Variants in NOL4L observed in about 807,000 individuals in gnomAD.
NOL4L encodes nucleolar protein 4 like.
NOL4L carries 7 observed loss-of-function variants against 64.5 expected under a neutral mutation model. The observed-to-expected ratio is 0.11, with a 90% CI of 0.06 to 0.20. NOL4L has a LOEUF of 0.20. Among genes scored for constraint, NOL4L ranks in the 10% least tolerant of loss-of-function variants. The pLI is 1.00. For synonymous variants in NOL4L, 413 were observed against 401.0 expected (o/e 1.03, Z -0.36); for missense variants, 680 against 967.1 (o/e 0.70, Z 3.94).
intron 4 of NOL4L, among the ~76,000 whole-genome samples, chr20:32,485,057 CCAAA>C (rs1568642968): frequency 1.6e-4 from 3 of 18,454 alleles, no homozygotes; most frequent in African/African-American, 1.2e-3. Flanking sequence ...GGGGAAATTG[CCAAA>C]AAAAAAAAAA....
At chr20:32,482,597 G>T (rs2015802006) in intron 4 of NOL4L, among the ~76,000 whole-genome samples, 1 of 151,976 alleles carries the variant, frequency 6.6e-6, no homozygotes, top group African/African-American at 2.4e-5. Flanking sequence ...CCTCGAGGCG[G>T]CCGGCTGCCC....
chr20:32,451,979 C>A (rs959949705), intron 10 of NOL4L, among the ~76,000 whole-genome samples: 2 of 152,208 alleles, frequency 1.3e-5, no homozygotes, highest in African/African-American at 4.8e-5. Context: ...TTGGAGCAAG[C>A]GTCACTGGCG....
intron 1 of NOL4L, among the ~76,000 whole-genome samples, chr20:32,554,377 A>G (rs1978517423): frequency 6.6e-6 from 1 of 151,882 alleles, no homozygotes; most frequent in African/African-American, 2.4e-5. Context: ...ATGAACAAAC[A>G]GGCTCAGAGG....
In NOL4L at chr20:32,584,960, G is replaced by C; in HGVS notation, c.-70C>G. ...GCCGCCCGGTGCCGGGACTGGGCTG[G>C]GCTGGGCTGGACCGGGCCGGGACGC... On this transcript the variant is annotated 5_prime_UTR_variant, in exon 1 of 11. Coordinates refer to ENST00000621426, the MANE Select transcript of NOL4L (RefSeq NM_001256798.2). 1.1e-6 allele frequency: 1 copy of C among 913,744 alleles called. No individual in the cohort carries two copies. Among genetic ancestry groups the C allele is most frequent in the Non-Finnish European group, 1.3e-6 (1 of 754,866 alleles). The allele number at this position is 913,744 out of a possible 1,614,324, so 56.6% of individuals were successfully genotyped here. A position where few individuals can be genotyped will look rare whatever the true frequency, so the allele number is the denominator to read the frequency against.
intron 1 of NOL4L, among the ~76,000 whole-genome samples, chr20:32,542,932 C>T (rs1308645213): frequency 3.9e-5 from 6 of 152,158 alleles, no homozygotes; most frequent in African/African-American, 1.4e-4. Context: ...GAACCGACCT[C>T]ACGGGGTTGT....
At chr20:32,466,938 TGGGAGA>T (rs774533760) in intron 5 of NOL4L, among the ~76,000 whole-genome samples, 4 of 151,912 alleles carry the variant, frequency 2.6e-5, no homozygotes, top group Admixed American at 1.3e-4. Context: ...TGCCTCCTGG[TGGGAGA>T]GGGCTGCTGT....
At chr20:32,584,317 G>T (rs1980744958) in intron 1 of NOL4L, among the ~76,000 whole-genome samples, 1 of 151,204 alleles carries the variant, frequency 6.6e-6, no homozygotes, top group African/African-American at 2.4e-5. Context: ...AGCAGCCCGG[G>T]ACAGCCTGCC....
At chr20:32,451,101 G>A (rs541064634) in intron 10 of NOL4L, among the ~76,000 whole-genome samples, 3 of 152,226 alleles carry the variant, frequency 2.0e-5, no homozygotes, top group Admixed American at 2.0e-4. Flanking sequence ...GCCAAGGATG[G>A]GGGCTTAGGG....
chr20:32,453,168 C>G lies in NOL4L; in HGVS notation c.1497+136G>C. 1 of 1,414,650 alleles carries G rather than the reference C, an allele frequency of 7.1e-7. No individual in the cohort carries two copies. Among genetic ancestry groups the G allele is most frequent in the Non-Finnish European group, 9.6e-7 (1 of 1,046,658 alleles). The allele number at this position is 1,414,650 out of a possible 1,614,324, so 87.6% of individuals were successfully genotyped here. On this transcript the variant is annotated intron_variant, in intron 8 of 10. Transcript: ENST00000621426. The surrounding 1 kb of genome is among the most constrained non-coding windows in gnomAD (Gnocchi z 5.6). Reference sequence around the variant, plus strand: ...TTCTGGGCCTTAGTTCCCTCATTTGCAAACCAGGGATTATGGTACTTGCTT... The same window carrying G: ...TTCTGGGCCTTAGTTCCCTCATTTGGAAACCAGGGATTATGGTACTTGCTT...
chr20:32,580,612 T>C (rs945852331), intron 1 of NOL4L, among the ~76,000 whole-genome samples: 3 of 152,194 alleles, frequency 2.0e-5, no homozygotes, highest in Non-Finnish European at 4.4e-5. Flanking sequence ...AATCTCGAAG[T>C]TTCCCTTGGG....
At chr20:32,569,088 C>G (rs1979608258) in intron 1 of NOL4L, among the ~76,000 whole-genome samples, 1 of 152,186 alleles carries the variant, frequency 6.6e-6, no homozygotes, top group African/African-American at 2.4e-5. Context: ...CGCACAAAAA[C>G]ACAGCTTTGT....
intron 1 of NOL4L, among the ~76,000 whole-genome samples, chr20:32,531,737 T>C (rs2018354727): frequency 2.0e-5 from 3 of 152,212 alleles, no homozygotes; most frequent in Admixed American, 2.0e-4. Context: ...GGATCAAGAA[T>C]GTATGTCAGG....
At chr20:32,583,007 G>A (rs537942792) in intron 1 of NOL4L, among the ~76,000 whole-genome samples, 1 of 152,226 alleles carries the variant, frequency 6.6e-6, no homozygotes, top group East Asian at 1.9e-4. Context: ...AGGCTGGGAG[G>A]GTCCCAGCCT....
At chr20:32,461,094 C>T (rs1333446699) in intron 5 of NOL4L, among the ~76,000 whole-genome samples, 4 of 152,190 alleles carry the variant, frequency 2.6e-5, no homozygotes, top group Non-Finnish European at 5.9e-5. Flanking sequence ...AGGTGCTGCT[C>T]GGGGTGGGGT....
At chr20:32,495,129 C>T (rs755021405) in intron 4 of NOL4L, among the ~76,000 whole-genome samples, 3 of 152,246 alleles carry the variant, frequency 2.0e-5, no homozygotes, top group Non-Finnish European at 4.4e-5. Context: ...AGTTCCCTCA[C>T]TTGTGGACTC....
intron 4 of NOL4L, among the ~76,000 whole-genome samples, chr20:32,499,086 T>C (rs552374930): frequency 3.3e-5 from 5 of 152,140 alleles, no homozygotes; most frequent in Non-Finnish European, 5.9e-5. Flanking sequence ...ACCATGTTGG[T>C]CAGGCTGGTC....
intron 4 of NOL4L, among the ~76,000 whole-genome samples, chr20:32,509,449 C>T (rs1004013166): frequency 7.4e-6 from 1 of 134,932 alleles, no homozygotes; most frequent in African/African-American, 2.9e-5. Context: ...ACCCAGGAGG[C>T]AGAAGCTACA....
chr20:32,548,943 A>G (rs942880343), intron 1 of NOL4L: 16 of 326,938 alleles, frequency 4.9e-5, no homozygotes, highest in Middle Eastern at 5.4e-4. Context: ...CACTGACAGC[A>G]TACAGATTTA....
chr20:32,558,163 G>T (rs1248858462), intron 1 of NOL4L, among the ~76,000 whole-genome samples: 14 of 152,242 alleles, frequency 9.2e-5, no homozygotes, highest in Admixed American at 3.9e-4. Context: ...TCCCGAGTTT[G>T]CACGACCTCT....
Sources: allele counts gnomAD v4.1 joint callset (sites outside exome capture counted in the v4.1 genomes callset), GRCh38; gene constraint gnomAD v4.1.1; non-coding constraint Gnocchi (gnomAD v3.1); transcripts MANE v1.5; gene names NCBI Gene and HGNC (gene_info 2026-07-23, HGNC 2026-07-21).